Variants in NDUFA10 observed in about 807,000 individuals in gnomAD.
The protein encoded by NDUFA10 is NADH dehydrogenase [ubiquinone] 1 alpha subcomplex subunit 10, mitochondrial.
In NDUFA10, 40 loss-of-function variants were observed where a neutral mutation model predicts 47.8. That is an observed-to-expected ratio of 0.84 (90% CI 0.65 to 1.09). The LOEUF (loss-of-function observed/expected upper bound fraction) is 1.09. NDUFA10 is among the 50% of genes least tolerant of loss of function. The pLI, the probability that NDUFA10 is intolerant of heterozygous loss-of-function variation, is 0.00. For missense variants in NDUFA10, 413 were observed against 451.1 expected, an observed-to-expected ratio of 0.92 and a Z score of 0.76; for synonymous variants, 183 against 172.2, an observed-to-expected ratio of 1.06 and a Z score of -0.49.
chr2:239,914,999 C>T (rs1243208702), intron 4 of NDUFA10, among the ~76,000 whole-genome samples: 1 of 144,202 alleles, frequency 6.9e-6, no homozygotes, highest in Non-Finnish European at 1.5e-5. Context: ...AATATATAGA[C>T]ACACACAGAG....
chr2:240,010,593 G>A (rs1476153898), intron 6 of NDUFA10, among the ~76,000 whole-genome samples: 1 of 151,976 alleles, frequency 6.6e-6, no homozygotes, highest in Admixed American at 6.6e-5. Context: ...AGTACAACAG[G>A]TTAAAAGGAA....
chr2:239,929,629 C>G (rs1271038880), intron 4 of NDUFA10, among the ~76,000 whole-genome samples: 6 of 151,882 alleles, frequency 4.0e-5, no homozygotes, highest in African/African-American at 1.5e-4. Flanking sequence ...TGCTCCTCCA[C>G]TGCTCTTGCT....
chr2:239,919,103 C>T (rs1334548917), intron 4 of NDUFA10, among the ~76,000 whole-genome samples: 1 of 152,292 alleles, frequency 6.6e-6, no homozygotes, highest in African/African-American at 2.4e-5. Context: ...GCAGAGGGGC[C>T]GAGGTGGGAC....
intron 4 of NDUFA10, among the ~76,000 whole-genome samples, chr2:239,916,969 G>A (rs1302496730): frequency 2.0e-5 from 3 of 152,244 alleles, no homozygotes; most frequent in African/African-American, 7.2e-5. Context: ...GGCATTACAG[G>A]GCAGACATGA....
chr2:240,015,921 G>A (rs931771914), intron 4 of NDUFA10, among the ~76,000 whole-genome samples: 4 of 152,362 alleles, frequency 2.6e-5, no homozygotes, highest in East Asian at 1.9e-4. Flanking sequence ...TTGGGAGGCC[G>A]AGGTGGGCGC....
chr2:239,993,703 G>A (rs906313108), intron 8 of NDUFA10, among the ~76,000 whole-genome samples: 1 of 152,174 alleles, frequency 6.6e-6, no homozygotes, highest in African/African-American at 2.4e-5. Flanking sequence ...CAAGAACCAG[G>A]GGATTACACA....
At chr2:239,894,997 C>T (rs1392501574) in intron 5 of NDUFA10, among the ~76,000 whole-genome samples, 5 of 152,290 alleles carry the variant, frequency 3.3e-5, no homozygotes, top group East Asian at 1.9e-4. Context: ...TCCACCCAGT[C>T]GCCCAAACCA....
chr2:239,915,388 C>CAA (rs1693844256), intron 4 of NDUFA10, among the ~76,000 whole-genome samples: 1 of 129,446 alleles, frequency 7.7e-6, no homozygotes, highest in African/African-American at 3.3e-5. Context: ...GACAGAGATA[C>CAA]ACATACATAC....
chr2:240,020,357 C>T (rs1697569885), intron 3 of NDUFA10, among the ~76,000 whole-genome samples: 1 of 152,234 alleles, frequency 6.6e-6, no homozygotes, highest in South Asian at 2.1e-4. Context: ...TCCCTCTCTC[C>T]GCACACAGAT....
chr2:240,018,283 G>A, intron 4 of NDUFA10: 1 of 878,572 alleles, frequency 1.1e-6, no homozygotes, highest in Non-Finnish European at 1.7e-6. Context: ...GGCTGTGGGG[G>A]CTGCACTTTA....
At chr2:239,980,313 G>C (rs1695721459) in intron 9 of NDUFA10, among the ~76,000 whole-genome samples, 1 of 152,206 alleles carries the variant, frequency 6.6e-6, no homozygotes, top group Non-Finnish European at 1.5e-5. Context: ...GTCAGGCTTG[G>C]CAGCAGGTAT....
At position 239,895,655 on chromosome 2, in the gene NDUFA10, T is replaced by C. The variant is rs73097716; in HGVS notation, c.295-341A>G. Among the ~76,000 whole-genome samples the C allele has an allele frequency of 4.3e-3, 654 of 152,374 alleles. 7 individuals are homozygous for C. The highest frequency in any genetic ancestry group is 0.015 in the African/African-American group (629 of 41,588). ...GCTGAATGTTACTGTTCATTTTATA[T>C]TGTGCAATGTCAGTTTTAAATACAA... is the stretch of plus-strand genomic sequence containing the variant. On this transcript the variant is annotated intron_variant, in intron 4 of 5. Coordinates refer to the NDUFA10 transcript ENST00000419408.
intron 5 of NDUFA10, among the ~76,000 whole-genome samples, chr2:239,894,495 C>T (rs2106458895): frequency 6.6e-6 from 1 of 152,362 alleles, no homozygotes; most frequent in East Asian, 1.9e-4. Context: ...GGATCTCCCT[C>T]TCATCAGTCC....
intron 4 of NDUFA10, among the ~76,000 whole-genome samples, chr2:239,910,709 G>A (rs930172124): frequency 3.3e-5 from 5 of 151,824 alleles, no homozygotes; most frequent in Admixed American, 6.6e-5. Flanking sequence ...CTGTACCCCC[G>A]AACTCAAAAT....
chr2:239,900,561 T>G (rs1374867381), intron 4 of NDUFA10, among the ~76,000 whole-genome samples: 7 of 119,730 alleles, frequency 5.8e-5, no homozygotes, highest in Non-Finnish European at 1.2e-4. Flanking sequence ...TTTCATTGGG[T>G]GGTCTTTTCT....
rs1051378748 is a variant in NDUFA10 at position 240,009,332 on chromosome 2, C to A, written c.750-1962G>T. 3.3e-5 allele frequency among the ~76,000 whole-genome samples: 5 copies of A among 152,332 alleles called. No individual in the cohort carries two copies. The East Asian group carries it at 9.6e-4, about 29-fold the overall frequency. ...TCTCAGCTAACACTGACACTGGGAG[C>A]TAGCAGTGTTGGAGCTGAGTAAATA... On this transcript the variant is annotated intron_variant, in intron 6 of 9. Coordinates refer to ENST00000252711, the MANE Select transcript of NDUFA10 (RefSeq NM_004544.4).
At chr2:239,907,129 G>A (rs569066770) in intron 4 of NDUFA10, among the ~76,000 whole-genome samples, 1 of 152,258 alleles carries the variant, frequency 6.6e-6, no homozygotes, top group South Asian at 2.1e-4. Flanking sequence ...TCCGATCTGT[G>A]ACAAACCTGA....
At chr2:239,982,269 C>G (rs775299364) in intron 9 of NDUFA10, 1 of 1,595,958 alleles carries the variant, frequency 6.3e-7, no homozygotes, top group Admixed American at 1.7e-5. Context: ...TGACAAAGGC[C>G]GACTTTACTT....
intron 5 of NDUFA10, 136 bp downstream of exon 5, chr2:240,014,603 A>T: frequency 7.2e-7 from 1 of 1,385,836 alleles, no homozygotes; most frequent in Non-Finnish European, 1.0e-6. Context: ...GCCCTCTCTC[A>T]AGTGGGAACA....
Sources: allele counts gnomAD v4.1 joint callset (sites outside exome capture counted in the v4.1 genomes callset), GRCh38; gene constraint gnomAD v4.1.1; transcripts MANE v1.5; gene names NCBI Gene and HGNC (gene_info 2026-07-23, HGNC 2026-07-21).